The following KCNJ16 variants were observed in gnomAD, a reference collection of about 807,000 sequenced individuals.
The protein encoded by KCNJ16 is potassium inwardly rectifying channel subfamily J member 16.
A neutral mutation model predicts 18.5 loss-of-function variants in KCNJ16; 15 were observed. The ratio of observed to expected loss-of-function variants is 0.81; its 90% CI spans 0.54 to 1.25. The LOEUF (loss-of-function observed/expected upper bound fraction) is 1.25, where lower values mean the gene tolerates loss of function less well. Ranked by LOEUF, KCNJ16 falls within the 50% of genes most tolerant of loss-of-function variation. KCNJ16 has a pLI of 0.00. For missense variants in KCNJ16, 523 were observed against 525.7 expected, an observed-to-expected ratio of 0.99 and a Z score of 0.05; for synonymous variants, 174 against 186.5, an observed-to-expected ratio of 0.93 and a Z score of 0.55.
intron 2 of KCNJ16, among the ~76,000 whole-genome samples, chr17:70,122,741 ACACCACCT>A (rs1347497606): frequency 8.5e-5 from 13 of 152,156 alleles, no homozygotes; most frequent in Non-Finnish European, 1.6e-4. Context: ...ACCTAGATGT[ACACCACCT>A]CACCACTGGC....
Position 70,132,991 on chromosome 17 carries a change from C to T in KCNJ16, c.904C>T (p.Arg302Ter), listed in dbSNP as rs142625269. The T allele has an allele frequency of 1.4e-5, 22 of 1,613,894 alleles. No individual in the cohort carries two copies. Among genetic ancestry groups the T allele is most frequent in the Admixed American group, 5.0e-5 (3 of 59,996 alleles). Reference sequence around the variant, plus strand: ...CCAATCTAGAAGCTCCTATGTTCCCCGAGAAATTCTCTGGGGCCATAGGTT... The same window carrying T: ...CCAATCTAGAAGCTCCTATGTTCCCTGAGAAATTCTCTGGGGCCATAGGTT... The part of the protein sequence containing the change: ...SHQSRSSYVP[R>*]EILWGHRFND... Residue 302 changes from arginine (R) to a stop codon, truncating the protein, a stop_gained, in exon 4 of 4, where the codon CGA (arginine) becomes TGA (stop). Transcript: ENST00000392671. LOFTEE classifies it high-confidence loss of function.
At position 70,132,043 on chromosome 17, in the gene KCNJ16, T is replaced by C. The variant is rs2074072597; in HGVS notation, c.-45T>C. On this transcript the variant is annotated 5_prime_UTR_variant, in exon 4 of 4. Transcript: ENST00000392671. ...AGAAATAGCAACAAGTCTAGAATTC[T>C]TACTACTACAAAACTCACCTGGATC... 1 of 1,612,462 alleles carries C rather than the reference T, an allele frequency of 6.2e-7. No individual in the cohort carries two copies. Among genetic ancestry groups the C allele is most frequent in the African/African-American group, 1.3e-5 (1 of 74,910 alleles).
At chr17:70,081,708 C>T (rs932809039) in intron 1 of KCNJ16, among the ~76,000 whole-genome samples, 2 of 151,996 alleles carry the variant, frequency 1.3e-5, no homozygotes, top group African/African-American at 4.8e-5. Context: ...GCTTGTGCAA[C>T]AGAAGCACAG....
chr17:70,117,624 T>C (rs2073464513), intron 2 of KCNJ16, among the ~76,000 whole-genome samples: 1 of 152,154 alleles, frequency 6.6e-6, no homozygotes, highest in South Asian at 2.1e-4. Flanking sequence ...ACACTGATGT[T>C]TTTATAGTCT....
At chr17:70,121,679 G>A (rs181729989) in intron 2 of KCNJ16, among the ~76,000 whole-genome samples, 9 of 152,158 alleles carry the variant, frequency 5.9e-5, no homozygotes, top group Admixed American at 2.6e-4. Flanking sequence ...CCTGTAATCC[G>A]AGCACTTTGG....
rs1484513239 is a variant in KCNJ16 at position 70,135,073 on chromosome 17, A to C, written c.*1729A>C. ...TTTAAATGCACGTATGCAATCTTTT[A>C]TTCCTCTTGTTTTATGGATAAGAGA... On this transcript the variant is annotated 3_prime_UTR_variant, in exon 4 of 4. Coordinates refer to ENST00000392671, the MANE Select transcript of KCNJ16 (RefSeq NM_170741.4). The C allele has an allele frequency of 9.3e-6, 1 of 107,820 alleles. No homozygotes were observed. Among genetic ancestry groups the C allele is most frequent in the Non-Finnish European group, 2.0e-5 (1 of 48,950 alleles). 6.7% of individuals were successfully genotyped at this position (107,820 alleles called of 1,614,324 possible).
At chr17:70,105,839 A>G (rs2072898648) in intron 2 of KCNJ16, among the ~76,000 whole-genome samples, 2 of 152,222 alleles carry the variant, frequency 1.3e-5, no homozygotes, top group South Asian at 4.1e-4. Flanking sequence ...AGTTGAAGGA[A>G]GGCAGCTTAT....
rs1868400694 is a variant in KCNJ16, at chr17:70,118,852, G to A, written c.-190-12027G>A. 3.3e-5 allele frequency among the ~76,000 whole-genome samples: 5 copies of A among 152,150 alleles called. No homozygotes were observed. The South Asian group carries it at 1.0e-3, about 32-fold the overall frequency. Reference sequence around the variant, plus strand: ...CCAAATTTTATGTCCTTCTCCCATTGCAAAATACAATCATTCCTTCCCCCA... The same window carrying A: ...CCAAATTTTATGTCCTTCTCCCATTACAAAATACAATCATTCCTTCCCCCA... On this transcript the variant is annotated intron_variant, in intron 2 of 3. Coordinates refer to ENST00000392671, the MANE Select transcript of KCNJ16 (RefSeq NM_170741.4).
rs925506766 is a variant in KCNJ16 at position 70,130,751 on chromosome 17, C to T, written c.-190-128C>T. ...TCTATGTAATAGAGAGGCAGGATTC[C>T]CTAAAGTCCCCCGTTATAATCCCTT... On this transcript the variant is annotated intron_variant, in intron 2 of 3. Transcript: ENST00000392671. 6 of 572,136 alleles carry T rather than the reference C, an allele frequency of 1.0e-5. No individual in the cohort carries two copies. The African/African-American group carries it at 1.1e-4, about 11-fold the overall frequency. The allele number at this position is 572,136 out of a possible 1,614,324, so 35.4% of individuals were successfully genotyped here.
chr17:70,131,956 A>G, intron 3 of KCNJ16, 39 bp from the exon 4 acceptor site: 1 of 1,513,278 alleles, frequency 6.6e-7, no homozygotes, highest in Non-Finnish European at 8.8e-7. Context: ...ATGGACATTG[A>G]AAGCTAAAAA....
chr17:70,096,457 TTTAA>T (rs1284449583), intron 1 of KCNJ16, among the ~76,000 whole-genome samples: 15 of 41,924 alleles, frequency 3.6e-4, no homozygotes, highest in Non-Finnish European at 6.9e-4. Context: ...TATGAACTTA[TTTAA>T]TTTTTAATTT....
chr17:70,127,165 G>A (rs1011548323), intron 2 of KCNJ16, among the ~76,000 whole-genome samples: 1 of 152,198 alleles, frequency 6.6e-6, no homozygotes, highest in Admixed American at 6.5e-5. Context: ...AGGGTTAGGG[G>A]TTAGAGCTGA....
intron 2 of KCNJ16, among the ~76,000 whole-genome samples, chr17:70,104,277 T>G (rs1431203562): frequency 6.6e-6 from 1 of 152,178 alleles, no homozygotes; most frequent in East Asian, 1.9e-4. Context: ...GTAATGCTTC[T>G]TTACAAGAAA....
Position 70,132,998 on chromosome 17 carries a change from T to C in KCNJ16, c.911T>C (p.Ile304Thr). The change falls in exon 4 of 4, where the codon ATT (isoleucine) becomes ACT (threonine). Residue 304 changes from isoleucine to threonine, a missense_variant. By Grantham distance (89) the Ile-to-Thr change is moderately conservative (BLOSUM62 -1). Coordinates refer to ENST00000392671, the MANE Select transcript of KCNJ16 (RefSeq NM_170741.4). ...AGAAGCTCCTATGTTCCCCGAGAAA[T>C]TCTCTGGGGCCATAGGTTTAATGAT... The part of the protein sequence containing the change: ...QSRSSYVPRE[I>T]LWGHRFNDVL... The C allele has an allele frequency of 6.2e-7, 1 of 1,614,084 alleles. No homozygotes were observed. The highest frequency in any genetic ancestry group is 8.5e-7 in the Non-Finnish European group (1 of 1,179,992).
At position 70,133,144 on chromosome 17, in the gene KCNJ16, A is replaced by G. The variant is rs374457695; in HGVS notation, c.1057A>G (p.Ile353Val). 1.9e-6 allele frequency: 3 copies of G among 1,614,222 alleles called. No individual in the cohort carries two copies. Among genetic ancestry groups the G allele is most frequent in the Non-Finnish European group, 8.5e-7 (1 of 1,180,042 alleles). ...QLDWKDQQLH[I>V]EKAPPVRESC... ...GGACTGGAAAGACCAGCAGCTCCACATAGAAAAAGCACCACCAGTTCGAGA... is the reference window on the plus strand; with the variant it reads ...GGACTGGAAAGACCAGCAGCTCCACGTAGAAAAAGCACCACCAGTTCGAGA... Residue 353 changes from isoleucine to valine, a missense_variant, in exon 4 of 4, where the codon ATA becomes GTA. Physicochemically the swap from Ile to Val is conservative, Grantham distance 29 (BLOSUM62 3). Coordinates refer to ENST00000392671, the MANE Select transcript of KCNJ16 (RefSeq NM_170741.4).
At chr17:70,103,138 T>C (rs993047808) in intron 2 of KCNJ16, among the ~76,000 whole-genome samples, 1 of 142,050 alleles carries the variant, frequency 7.0e-6, no homozygotes, top group Non-Finnish European at 1.5e-5. Flanking sequence ...TATATTTATA[T>C]GTGTATATAA....
chr17:70,132,484 G>A lies in KCNJ16; in HGVS notation c.397G>A (p.Gly133Arg). Residue 133 changes from glycine to arginine, a missense_variant, in exon 4 of 4, where the codon GGA becomes AGA. By Grantham distance (125) the Gly-to-Arg change is moderately radical. Transcript: ENST00000392671. ...CTCCCTAGAGACCCAAACCACCATA[G>A]GATATGGTTATCGCTGTGTTACTGA... Reference protein sequence around the residue: ...LFSLETQTTIGYGYRCVTEEC... With the variant: ...LFSLETQTTIRYGYRCVTEEC... 1 of 1,614,122 alleles carries A rather than the reference G, an allele frequency of 6.2e-7. No homozygotes were observed. The highest frequency in any genetic ancestry group is 8.5e-7 in the Non-Finnish European group (1 of 1,180,020).
At chr17:70,084,077 A>C (rs976899592) in intron 1 of KCNJ16, among the ~76,000 whole-genome samples, 3 of 152,212 alleles carry the variant, frequency 2.0e-5, no homozygotes, top group Non-Finnish European at 4.4e-5. Flanking sequence ...CTGCCAATCC[A>C]TAATGTGTGC....
intron 1 of KCNJ16, chr17:70,096,732 T>C (rs1414995804): frequency 5.3e-6 from 2 of 378,664 alleles, no homozygotes; most frequent in African/African-American, 2.1e-5. Flanking sequence ...AACAACCTTC[T>C]CCTTTATTGA....
Sources: allele counts gnomAD v4.1 joint callset (sites outside exome capture counted in the v4.1 genomes callset), GRCh38; gene constraint gnomAD v4.1.1; transcripts MANE v1.5; gene names NCBI Gene and HGNC (gene_info 2026-07-23, HGNC 2026-07-21).